UNC13B: variants seen among roughly 807,000 people sequenced by gnomAD.
UNC13B encodes the protein unc-13 homolog B.
In UNC13B, 144 loss-of-function variants were observed where a neutral mutation model predicts 211.0. The observed-to-expected ratio is 0.68, with a 90% CI of 0.60 to 0.78. The LOEUF is 0.78. Among genes scored for constraint, UNC13B ranks in the 30% least tolerant of loss-of-function variants. UNC13B has a pLI of 0.00. For synonymous variants in UNC13B, 709 were observed against 725.8 expected, an observed-to-expected ratio of 0.98 and a Z score of 0.37; for missense variants, 1,777 against 2,002.0, an observed-to-expected ratio of 0.89 and a Z score of 2.14.
intron 7 of UNC13B, among the ~76,000 whole-genome samples, chr9:35,267,011 A>G (rs1434900341): frequency 5.9e-5 from 9 of 152,204 alleles, no homozygotes; most frequent in African/African-American, 2.2e-4. Flanking sequence ...GAATCTCCCA[A>G]TTTCTAAGAA....
At chr9:35,215,896 T>C (rs1162890484) in intron 1 of UNC13B, among the ~76,000 whole-genome samples, 2 of 152,216 alleles carry the variant, frequency 1.3e-5, no homozygotes, top group Admixed American at 6.5e-5. Flanking sequence ...TTTATGATGA[T>C]AGTAATTTAA....
At chr9:35,223,355 T>TG (rs1413693394) in intron 1 of UNC13B, among the ~76,000 whole-genome samples, 1 of 152,224 alleles carries the variant, frequency 6.6e-6, no homozygotes, top group East Asian at 1.9e-4. Flanking sequence ...GGCCAGCATC[T>TG]GTTATATTTT....
At chr9:35,349,465 G>C (rs556535070) in intron 11 of UNC13B, among the ~76,000 whole-genome samples, 6 of 152,110 alleles carry the variant, frequency 3.9e-5, no homozygotes, top group African/African-American at 1.4e-4. Flanking sequence ...TAGGCAGCTG[G>C]GCACCAAGCC....
At chr9:35,211,025 G>A (rs1437735972) in intron 1 of UNC13B, among the ~76,000 whole-genome samples, 1 of 152,146 alleles carries the variant, frequency 6.6e-6, no homozygotes, top group African/African-American at 2.4e-5. Flanking sequence ...GTGCAATACT[G>A]TGCTTGGGAG....
chr9:35,176,753 C>A (rs1308044643), intron 1 of UNC13B, among the ~76,000 whole-genome samples: 2 of 152,090 alleles, frequency 1.3e-5, no homozygotes, highest in Non-Finnish European at 2.9e-5. Flanking sequence ...CTGATTTGTG[C>A]TATAAACGAG....
In UNC13B at chr9:35,302,643, C is replaced by T. The variant is rs1178979090; in HGVS notation, c.3239C>T (p.Ala1080Val). ...CAGAATTTTGAAAGGGATGGCTTAG[C>T]CATCCCTGGAGTTGTGCCCAAAGAA... ...AGQNFERDGLAIPGVVPKEHI... is the reference protein window; with the variant it reads ...AGQNFERDGLVIPGVVPKEHI... The change falls in exon 9 of 40, where the codon GCC becomes GTC. Residue 1080 changes from alanine (A) to valine (V), a missense_variant. Ala to Val is a moderately conservative substitution (Grantham distance 64). Transcript: ENST00000635942. 2.5e-6 allele frequency: 1 copy of T among 398,496 alleles called. No homozygotes were observed. Among genetic ancestry groups the T allele is most frequent in the Admixed American group, 4.4e-5 (1 of 22,690 alleles). The allele number at this position is 398,496 out of a possible 1,614,324, so 24.7% of individuals were successfully genotyped here. A position where few individuals can be genotyped will look rare whatever the true frequency, so the allele number is the denominator to read the frequency against.
chr9:35,382,014 A>T (rs1371068165), intron 20 of UNC13B, among the ~76,000 whole-genome samples: 1 of 152,214 alleles, frequency 6.6e-6, no homozygotes, highest in East Asian at 1.9e-4. Context: ...CACAGGCCTG[A>T]GCAGACAGGG....
At chr9:35,225,252 C>T (rs1265814804) in intron 1 of UNC13B, among the ~76,000 whole-genome samples, 1 of 152,100 alleles carries the variant, frequency 6.6e-6, no homozygotes, top group Non-Finnish European at 1.5e-5. Flanking sequence ...CCTCTGCCTC[C>T]CAGGCTCAAG....
rs554082931 is a variant in UNC13B at position 35,282,251 on chromosome 9, T to C, written c.527-13445T>C. The stretch of plus-strand genomic sequence containing the variant: ...CCACCCCAGAAAGCCTCCATATGCC[T>C]CTTCCCAATCACAACCCCCTCTTCC... On this transcript the variant is annotated intron_variant, in intron 7 of 39. Transcript: ENST00000635942. Among the ~76,000 whole-genome samples, 514 of 152,298 alleles carry C rather than the reference T, an allele frequency of 3.4e-3. 2 individuals are homozygous for C. The highest frequency in any genetic ancestry group is 6.8e-3 in the Middle Eastern group (2 of 294).
intron 1 of UNC13B, among the ~76,000 whole-genome samples, chr9:35,206,106 C>A (rs1823627356): frequency 6.6e-6 from 1 of 152,112 alleles, no homozygotes; most frequent in Admixed American, 6.6e-5. Context: ...GATCACTAAG[C>A]CTGGGAGGCA....
At chr9:35,377,739 G>C (rs201080622) in intron 16 of UNC13B, 44 bp downstream of exon 16, 2 of 1,586,398 alleles carry the variant, frequency 1.3e-6, no homozygotes, top group Admixed American at 3.5e-5. Flanking sequence ...CCTGGGCTAT[G>C]GGGAGGAGAC....
intron 32 of UNC13B, 76 bp from the exon 33 acceptor site, chr9:35,398,806 G>A (rs2132363376): frequency 1.3e-6 from 2 of 1,581,758 alleles, no homozygotes; most frequent in Non-Finnish European, 1.7e-6. Context: ...ATGGGAATGG[G>A]ACCAAATAGC....
rs202003955 is a variant in UNC13B at position 35,236,580 on chromosome 9, G to A, written c.264G>A (p.Ser88=). Residue 88 remains serine, a synonymous_variant, in exon 4 of 40, where the codon TCG becomes TCA. Coordinates refer to ENST00000635942, the MANE Select transcript of UNC13B (RefSeq NM_001371189.2). The stretch of plus-strand genomic sequence containing the variant: ...TTGCGCTGAAGACTATTCGTCAGTC[G>A]GATGAGGTCAGTCATTGCATTTTCT... The part of the protein sequence containing the change: ...VWIALKTIRQ[S]DEEGPGEWST... 2,166 of 1,613,648 alleles carry A rather than the reference G, an allele frequency of 1.3e-3. 29 individuals are homozygous for A. In the South Asian group the frequency reaches 0.018, roughly 14 times the overall value.
intron 1 of UNC13B, among the ~76,000 whole-genome samples, chr9:35,169,507 G>A (rs1180201331): frequency 6.6e-6 from 1 of 152,184 alleles, no homozygotes; most frequent in Non-Finnish European, 1.5e-5. Context: ...GGTATAGGTT[G>A]GTCAGATACT....
intron 1 of UNC13B, among the ~76,000 whole-genome samples, chr9:35,223,018 A>G (rs1824645789): frequency 6.6e-6 from 1 of 152,176 alleles, no homozygotes; most frequent in Non-Finnish European, 1.5e-5. Context: ...GTTGCTGCAA[A>G]TGACAGGGTT....
chr9:35,164,456 C>A (rs1820930631), intron 1 of UNC13B, among the ~76,000 whole-genome samples: 1 of 152,186 alleles, frequency 6.6e-6, no homozygotes, highest in Non-Finnish European at 1.5e-5. Flanking sequence ...TTAGAAACTT[C>A]CTATGCAGAG....
At chr9:35,357,663 G>T (rs753679275) in intron 11 of UNC13B, among the ~76,000 whole-genome samples, 1 of 151,022 alleles carries the variant, frequency 6.6e-6, no homozygotes, top group Non-Finnish European at 1.5e-5. Flanking sequence ...CGAGGCGAGA[G>T]GATCACTTGA....
chr9:35,185,340 G>C (rs117347661), intron 1 of UNC13B, among the ~76,000 whole-genome samples: 3 of 152,298 alleles, frequency 2.0e-5, no homozygotes, highest in Non-Finnish European at 4.4e-5. Flanking sequence ...GAATAGTCCT[G>C]CTTCCTCCTA....
rs1564204157 is a variant in UNC13B at position 35,403,344 on chromosome 9, C to T, written c.12577+85C>T. On this transcript the variant is annotated intron_variant, in intron 38 of 39. Coordinates refer to ENST00000635942, the MANE Select transcript of UNC13B (RefSeq NM_001371189.2). ...AAAGCAGGGGCTGCTCATCCCAGCCCTCCAGCTCAGCCCTCCTCCAAGGGG... is the reference window on the plus strand; with the variant it reads ...AAAGCAGGGGCTGCTCATCCCAGCCTTCCAGCTCAGCCCTCCTCCAAGGGG... The T allele has an allele frequency of 2.4e-5, 39 of 1,603,100 alleles. 1 individual carries two copies. The South Asian group carries it at 3.9e-4, about 16-fold the overall frequency.
Sources: gnomAD v4.1 joint callset for allele counts (sites outside exome capture counted in the v4.1 genomes callset) on GRCh38, gnomAD v4.1.1 for gene constraint, MANE v1.5 for transcripts, NCBI Gene and HGNC (gene_info 2026-07-23, HGNC 2026-07-21) for gene names.